TTLL5: variants seen among roughly 807,000 people sequenced by gnomAD.
TTLL5 encodes the protein tubulin polyglutamylase TTLL5.
Under a neutral mutation model 168.4 loss-of-function variants are expected in TTLL5, and 132 were observed. The observed-to-expected ratio is 0.78, with a 90% CI of 0.68 to 0.91. The LOEUF (loss-of-function observed/expected upper bound fraction) is 0.91. Ranked by LOEUF, TTLL5 falls within the 40% of genes least tolerant of loss-of-function variation. The pLI, the probability that TTLL5 is intolerant of heterozygous loss-of-function variation, is 0.00. For missense variants in TTLL5, 1,545 were observed against 1,581.5 expected (o/e 0.98, Z 0.39); for synonymous variants, 546 against 558.6 (o/e 0.98, Z 0.32).
At chr14:75,764,069 G>A (rs1161769358) in intron 18 of TTLL5, among the ~76,000 whole-genome samples, 1 of 152,120 alleles carries the variant, frequency 6.6e-6, no homozygotes, top group Non-Finnish European at 1.5e-5. Flanking sequence ...TTTTCACTAA[G>A]ACACTTCTAT....
intron 30 of TTLL5, among the ~76,000 whole-genome samples, chr14:75,896,053 G>A (rs1269531756): frequency 6.6e-6 from 1 of 152,200 alleles, no homozygotes; most frequent in Admixed American, 6.5e-5. Flanking sequence ...ATAAAATGGA[G>A]TCCTGAGTGC....
In TTLL5 at chr14:75,783,303, A is replaced by C; in HGVS notation, c.2759A>C (p.Gln920Pro). 1 of 1,614,082 alleles carries C rather than the reference A, an allele frequency of 6.2e-7. No individual in the cohort carries two copies. The highest frequency in any genetic ancestry group is 8.5e-7 in the Non-Finnish European group (1 of 1,180,000). ...CCTTGCCACCATTCTTCTTTATCTC[A>C]AATTCCTTCAGCTATCCCCAGCATG... The part of the protein sequence containing the change: ...PGPCHHSSLS[Q>P]IPSAIPSMPH... The change falls in exon 26 of 32, where the codon CAA (glutamine) becomes CCA (proline). Residue 920 changes from glutamine to proline, a missense_variant. Coordinates refer to ENST00000298832, the MANE Select transcript of TTLL5 (RefSeq NM_015072.5).
intron 28 of TTLL5, among the ~76,000 whole-genome samples, chr14:75,842,196 C>G (rs951478687): frequency 1.3e-5 from 2 of 152,180 alleles, no homozygotes; most frequent in Non-Finnish European, 1.5e-5. Flanking sequence ...AAAAGCCTAT[C>G]CCAGTATATC....
At chr14:75,792,187 A>G (rs1179708743) in intron 26 of TTLL5, among the ~76,000 whole-genome samples, 1 of 138,024 alleles carries the variant, frequency 7.2e-6, no homozygotes, top group African/African-American at 2.7e-5. Context: ...AAGGGAAATC[A>G]GTCATTTGAA....
intron 30 of TTLL5, chr14:75,887,152 A>G: frequency 9.8e-7 from 1 of 1,025,412 alleles, no homozygotes; most frequent in Non-Finnish European, 1.2e-6. Context: ...GCCAGGGATT[A>G]GCAGGGAGGA....
At chr14:75,721,944 T>A (rs902394162) in intron 12 of TTLL5, among the ~76,000 whole-genome samples, 3 of 152,220 alleles carry the variant, frequency 2.0e-5, no homozygotes, top group South Asian at 2.1e-4. Flanking sequence ...ATATATTTTT[T>A]AAAATACATA....
intron 29 of TTLL5, among the ~76,000 whole-genome samples, chr14:75,881,799 A>G (rs912889818): frequency 2.0e-5 from 3 of 152,210 alleles, no homozygotes; most frequent in Admixed American, 2.0e-4. Context: ...CAGTATTAAT[A>G]GTATTGAAAG....
intron 12 of TTLL5, among the ~76,000 whole-genome samples, chr14:75,728,324 C>G (rs1888314937): frequency 6.8e-6 from 1 of 147,410 alleles, no homozygotes; most frequent in African/African-American, 2.5e-5. Context: ...CCATTGCACT[C>G]TAGCCTGGGA....
At chr14:75,860,170 T>C (rs1369290132) in intron 28 of TTLL5, among the ~76,000 whole-genome samples, 2 of 152,228 alleles carry the variant, frequency 1.3e-5, no homozygotes, top group East Asian at 1.9e-4. Flanking sequence ...CATCCTTTCT[T>C]ATCCATAATT....
chr14:75,736,783 G>A lies in TTLL5; in HGVS notation c.1281+1494G>A, dbSNP rs555233333. 5.9e-5 allele frequency among the ~76,000 whole-genome samples: 9 copies of A among 152,322 alleles called. No individual in the cohort carries two copies. The South Asian group carries it at 1.9e-3, about 32-fold the overall frequency. ...CTAATTAATGTTGGGATGTGGAACAGGGTGTACTGTATTTTAAAGGCTATT... is the reference window on the plus strand; with the variant it reads ...CTAATTAATGTTGGGATGTGGAACAAGGTGTACTGTATTTTAAAGGCTATT... On this transcript the variant is annotated intron_variant, in intron 15 of 31. Coordinates refer to ENST00000298832, the MANE Select transcript of TTLL5 (RefSeq NM_015072.5).
intron 30 of TTLL5, among the ~76,000 whole-genome samples, chr14:75,884,014 G>A (rs1039757669): frequency 1.3e-5 from 2 of 152,160 alleles, no homozygotes; most frequent in Admixed American, 1.3e-4. Context: ...CAGGTTACAA[G>A]TTACTTAATC....
At chr14:75,948,755 A>G (rs1221856418) in intron 31 of TTLL5, among the ~76,000 whole-genome samples, 3 of 152,286 alleles carry the variant, frequency 2.0e-5, no homozygotes, top group Admixed American at 6.5e-5. Context: ...ACATTATTAT[A>G]CATGCTTCGG....
In TTLL5 at chr14:75,740,027, T is replaced by C. The variant is rs577230749; in HGVS notation, c.1281+4738T>C. ...AGTTAATACCCATTCCAGAAATCAC[T>C]TTCTAACTTGATTCACTGCTATTTA... On this transcript the variant is annotated intron_variant, in intron 15 of 31. Coordinates refer to ENST00000298832, the MANE Select transcript of TTLL5 (RefSeq NM_015072.5). Among the ~76,000 whole-genome samples the C allele has an allele frequency of 1.5e-4, 23 of 152,372 alleles. No individual in the cohort carries two copies. In the East Asian group the frequency reaches 1.7e-3, roughly 11 times the overall value.
intron 20 of TTLL5, 31 bp from the exon 21 acceptor site, chr14:75,771,703 C>T (rs1277436082): frequency 6.2e-7 from 1 of 1,612,588 alleles, no homozygotes; most frequent in Admixed American, 1.7e-5. Context: ...ACTTCTGTCA[C>T]ATAACGGTAT....
At chr14:75,728,044 AAGATTAAAG>A (rs1888295770) in intron 12 of TTLL5, among the ~76,000 whole-genome samples, 2 of 152,298 alleles carry the variant, frequency 1.3e-5, no homozygotes, top group South Asian at 4.1e-4. Flanking sequence ...GGGAATAGAG[AAGATTAAAG>A]AGATTAAAGA....
chr14:75,885,381 A>G (rs147779156), intron 30 of TTLL5, among the ~76,000 whole-genome samples: 5 of 151,664 alleles, frequency 3.3e-5, no homozygotes, highest in Admixed American at 2.6e-4. Flanking sequence ...AGTCCCAGCT[A>G]CTTGGGCGGC....
intron 27 of TTLL5, among the ~76,000 whole-genome samples, chr14:75,796,919 G>A (rs998963929): frequency 1.3e-5 from 2 of 151,918 alleles, no homozygotes; most frequent in Non-Finnish European, 2.9e-5. Flanking sequence ...GCTCTTTTTT[G>A]GTTCCATATG....
chr14:75,918,545 C>T (rs1239167836), intron 31 of TTLL5, among the ~76,000 whole-genome samples: 4 of 152,036 alleles, frequency 2.6e-5, no homozygotes, highest in Non-Finnish European at 5.9e-5. Flanking sequence ...TACAGTAACA[C>T]ATGAGAGCCC....
At chr14:75,727,748 G>T (rs1888270809) in intron 12 of TTLL5, 1 of 409,828 alleles carries the variant, frequency 2.4e-6, no homozygotes, top group Admixed American at 2.7e-5. Flanking sequence ...GTAGATGAAA[G>T]AAACCAGACT....
Sources: gnomAD v4.1 joint callset for allele counts (sites outside exome capture counted in the v4.1 genomes callset) on GRCh38, gnomAD v4.1.1 for gene constraint, MANE v1.5 for transcripts, NCBI Gene and HGNC (gene_info 2026-07-23, HGNC 2026-07-21) for gene names.